CSMD3: variants seen among roughly 807,000 people sequenced by gnomAD.
CSMD3 encodes the protein CUB and Sushi multiple domains 3, also known as CUB and sushi domain-containing protein 3.
In CSMD3, 177 loss-of-function variants were observed where a neutral mutation model predicts 435.2. The observed-to-expected ratio is 0.41, with a 90% CI of 0.36 to 0.46. The LOEUF is 0.46. Among genes scored for constraint, CSMD3 ranks in the 20% least tolerant of loss-of-function variants. The pLI is 0.34. For synonymous variants in CSMD3, 1,656 were observed against 1,520.5 expected, an observed-to-expected ratio of 1.09 and a Z score of -2.07; for missense variants, 4,265 against 4,504.6, an observed-to-expected ratio of 0.95 and a Z score of 1.52.
intron 24 of CSMD3, among the ~76,000 whole-genome samples, chr8:112,559,045 T>C (rs1811008301): frequency 2.0e-5 from 3 of 151,908 alleles, no homozygotes; most frequent in African/African-American, 7.2e-5. Flanking sequence ...TTCTGAGATG[T>C]AGAGATAATA....
intron 45 of CSMD3, among the ~76,000 whole-genome samples, chr8:112,326,490 T>C (rs1057224053): frequency 6.6e-6 from 1 of 152,090 alleles, no homozygotes; most frequent in Non-Finnish European, 1.5e-5. Context: ...CAAGATTGAG[T>C]TAAAATATTA....
chr8:112,451,690 C>T (rs564453599), intron 32 of CSMD3, among the ~76,000 whole-genome samples: 19 of 152,152 alleles, frequency 1.2e-4, no homozygotes, highest in African/African-American at 4.3e-4. Context: ...ACGCATGTGC[C>T]ACCATGCCCG....
rs373549496 is a variant in CSMD3, at chr8:112,975,998, T to C, written c.1181A>G (p.Gln394Arg). 21 of 1,613,916 alleles carry C rather than the reference T, an allele frequency of 1.3e-5. No individual in the cohort carries two copies. The African/African-American group carries it at 1.6e-4, about 12-fold the overall frequency. Reference protein sequence around the residue: ...AVTIHRLSEEQRVQVTSLRNS... With the variant: ...AVTIHRLSEERRVQVTSLRNS... ...TCTGAGACTCGTAACTTGCACTCGC[T>C]GTTCCTCGGAAAGTCTATGGATGGT... The change falls in exon 7 of 71, where the codon CAG becomes CGG. Residue 394 changes from glutamine (Q) to arginine (R), a missense_variant. Physicochemically the swap from Gln to Arg is conservative, Grantham distance 43 (BLOSUM62 1). Transcript: ENST00000297405.
At chr8:112,447,426 G>T (rs1013330160) in intron 32 of CSMD3, among the ~76,000 whole-genome samples, 1 of 152,044 alleles carries the variant, frequency 6.6e-6, no homozygotes, top group African/African-American at 2.4e-5. Context: ...ATTTTAATAA[G>T]TCTCTTTAAT....
intron 7 of CSMD3, among the ~76,000 whole-genome samples, chr8:112,973,687 A>G (rs2084743481): frequency 6.6e-6 from 1 of 151,914 alleles, no homozygotes; most frequent in Non-Finnish European, 1.5e-5. Context: ...AGAACTTCAG[A>G]AAACACTAAG....
At chr8:113,286,581 T>C (rs1413836655) in intron 2 of CSMD3, among the ~76,000 whole-genome samples, 1 of 152,070 alleles carries the variant, frequency 6.6e-6, no homozygotes, top group Non-Finnish European at 1.5e-5. Flanking sequence ...ATCAGCATCA[T>C]TCTTATAGAT....
chr8:112,540,832 G>T (rs571994512), intron 27 of CSMD3, among the ~76,000 whole-genome samples: 10 of 151,936 alleles, frequency 6.6e-5, no homozygotes, highest in Admixed American at 2.0e-4. Context: ...TATACAGAAG[G>T]CACAAATTCT....
rs754121210 is a variant in CSMD3 at position 113,030,735 on chromosome 8, C to T, written c.918-11556G>A. On this transcript the variant is annotated intron_variant, in intron 5 of 70. Transcript: ENST00000297405. ...GAATAAGAAGATGAAAAGACAAATA[C>T]AAAATGTAAAAAAAAAGTGTTAATA... is the stretch of plus-strand genomic sequence containing the variant. 1.1e-3 allele frequency among the ~76,000 whole-genome samples: 172 copies of T among 150,680 alleles called. 12 individuals carry two copies. Among genetic ancestry groups the T allele is most frequent in the Non-Finnish European group, 7.6e-4 (51 of 67,492 alleles).
chr8:112,385,594 T>G (rs1010622239), intron 36 of CSMD3, among the ~76,000 whole-genome samples: 2 of 152,158 alleles, frequency 1.3e-5, no homozygotes, highest in African/African-American at 4.8e-5. Flanking sequence ...TATTTCAATA[T>G]GTATTGCAGT....
At chr8:113,024,302 GTGTGTGTGTGTGTGTGTT>G (rs910060785) in intron 5 of CSMD3, among the ~76,000 whole-genome samples, 65 of 6,126 alleles carry the variant, frequency 0.011, no homozygotes, top group South Asian at 0.054. Context: ...GTGTGTGTGT[GTGTGTGTGTGTGTGTGTT>G]TGTGTGTGTG....
intron 3 of CSMD3, among the ~76,000 whole-genome samples, chr8:113,237,258 C>T (rs1588338774): frequency 6.6e-6 from 1 of 152,032 alleles, no homozygotes; most frequent in African/African-American, 2.4e-5. Flanking sequence ...ACCCTGATAT[C>T]GGGGTGGGAA....
chr8:113,148,379 C>A (rs750212544), intron 4 of CSMD3, among the ~76,000 whole-genome samples: 3 of 151,678 alleles, frequency 2.0e-5, no homozygotes, highest in African/African-American at 7.3e-5. Flanking sequence ...TTCCACAACC[C>A]TGCGGATCAG....
At chr8:112,287,009 A>G (rs2130631657) in intron 58 of CSMD3, 55 bp downstream of exon 58, 1 of 1,388,102 alleles carries the variant, frequency 7.2e-7, no homozygotes, top group Non-Finnish European at 1.0e-6. Context: ...ATCTGGATTT[A>G]GATACACACT....
intron 26 of CSMD3, among the ~76,000 whole-genome samples, chr8:112,551,645 T>C (rs1039917934): frequency 2.6e-5 from 4 of 152,036 alleles, no homozygotes; most frequent in African/African-American, 9.7e-5. Flanking sequence ...TATAAAACAA[T>C]GCACGACTTA....
intron 3 of CSMD3, among the ~76,000 whole-genome samples, chr8:113,210,892 A>G (rs923837522): frequency 2.0e-5 from 3 of 151,744 alleles, no homozygotes; most frequent in African/African-American, 4.8e-5. Flanking sequence ...AAAAAAAAAG[A>G]ATCTTAGAAA....
chr8:113,105,638 C>G (rs1221125515), intron 4 of CSMD3, among the ~76,000 whole-genome samples: 2 of 152,044 alleles, frequency 1.3e-5, no homozygotes, highest in Non-Finnish European at 2.9e-5. Flanking sequence ...ATAGAGTCCA[C>G]TTTGAATGGA....
At chr8:112,821,538 T>C (rs1385333533) in intron 12 of CSMD3, among the ~76,000 whole-genome samples, 1 of 152,196 alleles carries the variant, frequency 6.6e-6, no homozygotes, top group Admixed American at 6.5e-5. Flanking sequence ...TCCTTGTAGA[T>C]TCTGAATATT....
At chr8:112,955,320 T>C (rs754390271) in intron 7 of CSMD3, among the ~76,000 whole-genome samples, 1 of 151,748 alleles carries the variant, frequency 6.6e-6, no homozygotes, top group Non-Finnish European at 1.5e-5. Context: ...TGTTAGTCCA[T>C]ATTGCACAAA....
intron 12 of CSMD3, among the ~76,000 whole-genome samples, chr8:112,814,868 T>C (rs1183592153): frequency 1.3e-5 from 2 of 152,152 alleles, no homozygotes; most frequent in Non-Finnish European, 2.9e-5. Context: ...ACCTATTGCC[T>C]GACTTTCTAT....
Sources: gnomAD v4.1 joint callset for allele counts (sites outside exome capture counted in the v4.1 genomes callset) on GRCh38, gnomAD v4.1.1 for gene constraint, MANE v1.5 for transcripts, NCBI Gene and HGNC (gene_info 2026-07-23, HGNC 2026-07-21) for gene names.